Variants in SLC22A23 observed in about 807,000 individuals in gnomAD.
SLC22A23 encodes the protein solute carrier family 22 member 23, also known as ion transporter protein.
SLC22A23 carries 26 observed loss-of-function variants against 61.0 expected under a neutral mutation model. The ratio of observed to expected loss-of-function variants is 0.43; its 90% CI spans 0.31 to 0.59. The LOEUF (loss-of-function observed/expected upper bound fraction) is 0.59. Ranked by LOEUF, SLC22A23 falls within the 20% of genes least tolerant of loss-of-function variation. The pLI, the probability that SLC22A23 is intolerant of heterozygous loss-of-function variation, is 0.11. For synonymous variants in SLC22A23, 430 were observed against 413.9 expected, an observed-to-expected ratio of 1.04 and a Z score of -0.47; for missense variants, 796 against 934.7, an observed-to-expected ratio of 0.85 and a Z score of 1.94.
intron 1 of SLC22A23, among the ~76,000 whole-genome samples, chr6:3,448,066 C>T (rs1471591648): frequency 6.6e-6 from 1 of 151,638 alleles, no homozygotes; most frequent in Non-Finnish European, 1.5e-5. Context: ...CCATGCCCAG[C>T]TAATTTTTGT....
intron 3 of SLC22A23, among the ~76,000 whole-genome samples, chr6:3,332,538 G>A (rs1288179524): frequency 6.6e-6 from 1 of 151,964 alleles, no homozygotes; most frequent in African/African-American, 2.4e-5. Flanking sequence ...AGAGAATCAT[G>A]TCATGAATAT....
intron 3 of SLC22A23, among the ~76,000 whole-genome samples, chr6:3,407,793 A>C (rs899211607): frequency 1.3e-5 from 2 of 152,262 alleles, no homozygotes; most frequent in Non-Finnish European, 2.9e-5. Flanking sequence ...TATTGCAGAA[A>C]AAAACCTAAG....
chr6:3,431,573 G>C (rs188251053), intron 1 of SLC22A23, among the ~76,000 whole-genome samples: 1 of 152,334 alleles, frequency 6.6e-6, no homozygotes, highest in Admixed American at 6.5e-5. Flanking sequence ...TCGTACCTTA[G>C]TGTGAACTGC....
At chr6:3,343,167 A>G (rs1245162834) in intron 3 of SLC22A23, among the ~76,000 whole-genome samples, 3 of 152,212 alleles carry the variant, frequency 2.0e-5, no homozygotes, top group Non-Finnish European at 4.4e-5. Context: ...TGCGTCCTGC[A>G]TCTGCTGGTT....
chr6:3,319,048 C>T (rs369790276), intron 4 of SLC22A23, among the ~76,000 whole-genome samples: 1 of 152,224 alleles, frequency 6.6e-6, no homozygotes. Context: ...GGCCCTCACC[C>T]GGCTCTACGC....
In SLC22A23 at chr6:3,372,890, G is replaced by A. The variant is rs1019918733; in HGVS notation, c.913+37298C>T. ...ACTAAGTGAGAGTCAGGATTCTTCC[G>A]TAAAACTCCAATTAGCCAAAAGCTT... On this transcript the variant is annotated intron_variant, in intron 3 of 9. Transcript: ENST00000406686. The surrounding 1 kb of genome is among the most constrained non-coding windows in gnomAD (Gnocchi z 4.7). Among the ~76,000 whole-genome samples, 3 of 152,138 alleles carry A rather than the reference G, an allele frequency of 2.0e-5. No individual in the cohort carries two copies. Among genetic ancestry groups the A allele is most frequent in the African/African-American group, 7.2e-5 (3 of 41,424 alleles).
At chr6:3,443,859 G>A (rs1045944728) in intron 1 of SLC22A23, among the ~76,000 whole-genome samples, 3 of 152,132 alleles carry the variant, frequency 2.0e-5, no homozygotes, top group Admixed American at 6.5e-5. Context: ...AGCATCAGGC[G>A]AAGCCAGTTT....
intron 3 of SLC22A23, among the ~76,000 whole-genome samples, chr6:3,326,067 G>T (rs1221585895): frequency 1.3e-5 from 2 of 152,210 alleles, no homozygotes; most frequent in Non-Finnish European, 2.9e-5. Flanking sequence ...ACACTGATGT[G>T]ATGTCACACA....
chr6:3,453,633 T>C (rs149888500), intron 1 of SLC22A23, among the ~76,000 whole-genome samples: 114 of 152,308 alleles, frequency 7.5e-4, no homozygotes, highest in African/African-American at 2.6e-3. Context: ...AGGGACAGAA[T>C]GGTGCATATA....
intron 1 of SLC22A23, among the ~76,000 whole-genome samples, chr6:3,424,309 G>A (rs1770337574): frequency 6.6e-6 from 1 of 152,148 alleles, no homozygotes; most frequent in African/African-American, 2.4e-5. Flanking sequence ...CAACTTTTCT[G>A]GCTTGATGCC....
intron 7 of SLC22A23, among the ~76,000 whole-genome samples, chr6:3,285,716 G>C (rs1254651487): frequency 6.6e-6 from 1 of 152,230 alleles, no homozygotes; most frequent in Non-Finnish European, 1.5e-5. Context: ...GCAAGGTATA[G>C]ATTGCATAAG....
chr6:3,354,995 T>C (rs1764981676), intron 3 of SLC22A23, among the ~76,000 whole-genome samples: 1 of 151,992 alleles, frequency 6.6e-6, no homozygotes, highest in African/African-American at 2.4e-5. Context: ...CAATTTGTGC[T>C]ACACTCTTTC....
rs1189663640 is a variant in SLC22A23 at position 3,456,916 on chromosome 6, C to G, written c.-357G>C. The G allele has an allele frequency of 2.7e-5, 4 of 148,926 alleles. No homozygotes were observed. Among genetic ancestry groups the G allele is most frequent in the Admixed American group, 6.6e-5 (1 of 15,042 alleles). The allele number at this position is 148,926 out of a possible 1,614,324, so 9.2% of individuals were successfully genotyped here. On this transcript the variant is annotated 5_prime_UTR_variant, in exon 1 of 10. Coordinates refer to ENST00000406686, the MANE Select transcript of SLC22A23 (RefSeq NM_015482.2). The surrounding 1 kb of genome is among the most constrained non-coding windows in gnomAD (Gnocchi z 7.1). ...CAGGAGGAGGAGCCGGCGCCGCGCC[C>G]GGCCCGCGCCCTTGCCGGCGGTTCA...
At chr6:3,276,958 C>G (rs1290519374) in intron 9 of SLC22A23, 1 of 152,216 alleles carries the variant, frequency 6.6e-6, no homozygotes, top group Admixed American at 6.5e-5. Flanking sequence ...GCTTCACTTC[C>G]CGAAGCCTCG....
chr6:3,326,351 G>A (rs760273880), intron 3 of SLC22A23, among the ~76,000 whole-genome samples: 3 of 152,122 alleles, frequency 2.0e-5, no homozygotes, highest in South Asian at 2.1e-4. Flanking sequence ...CTGCTGTGTC[G>A]GTATCGCATG....
chr6:3,383,807 G>A (rs952522469), intron 3 of SLC22A23, among the ~76,000 whole-genome samples: 1 of 152,226 alleles, frequency 6.6e-6, no homozygotes, highest in Non-Finnish European at 1.5e-5. Flanking sequence ...GGGCTGAGAG[G>A]GCCCCCTGAG....
intron 3 of SLC22A23, among the ~76,000 whole-genome samples, chr6:3,375,067 A>T (rs3734219): frequency 0.38 from 58,027 of 152,044 alleles, 11,660 homozygotes; most frequent in Middle Eastern, 0.5. Flanking sequence ...TTGGAAGAAA[A>T]TCCAAACATT....
At chr6:3,423,034 A>AT (rs35485498) in intron 1 of SLC22A23, among the ~76,000 whole-genome samples, 51 of 146,306 alleles carry the variant, frequency 3.5e-4, no homozygotes, top group South Asian at 8.9e-4. Context: ...TTAAGCAACA[A>AT]TTTTTTTTTT....
intron 1 of SLC22A23, among the ~76,000 whole-genome samples, chr6:3,416,232 C>T (rs1342790401): frequency 6.6e-6 from 1 of 152,206 alleles, no homozygotes; most frequent in African/African-American, 2.4e-5. Flanking sequence ...CTCTGAGTGC[C>T]CAGGGGCTGG....
Sources: allele counts gnomAD v4.1 joint callset (sites outside exome capture counted in the v4.1 genomes callset), GRCh38; gene constraint gnomAD v4.1.1; non-coding constraint Gnocchi (gnomAD v3.1); transcripts MANE v1.5; gene names NCBI Gene and HGNC (gene_info 2026-07-23, HGNC 2026-07-21).